SWAP70: variants seen among roughly 807,000 people sequenced by gnomAD.
SWAP70 encodes the protein switching B cell complex subunit SWAP70.
A neutral mutation model predicts 80.2 loss-of-function variants in SWAP70; 34 were observed. That is an observed-to-expected ratio of 0.42 (90% CI 0.32 to 0.56). The LOEUF is 0.56. SWAP70 is among the 20% of genes least tolerant of loss of function. The pLI, the probability that SWAP70 is intolerant of heterozygous loss-of-function variation, is 0.09. For missense variants in SWAP70, 578 were observed against 690.7 expected (o/e 0.84, Z 1.83); for synonymous variants, 239 against 238.5 (o/e 1.00, Z -0.02).
intron 2 of SWAP70, among the ~76,000 whole-genome samples, chr11:9,711,171 A>C (rs1252829433): frequency 2.6e-5 from 4 of 152,122 alleles, no homozygotes; most frequent in Non-Finnish European, 4.4e-5. Context: ...GTTCTCTTGC[A>C]TCAGCCTCCC....
intron 2 of SWAP70, among the ~76,000 whole-genome samples, chr11:9,708,101 A>G (rs576741193): frequency 1.8e-4 from 27 of 152,158 alleles, no homozygotes; most frequent in Non-Finnish European, 3.4e-4. Flanking sequence ...TGTAGTGGGT[A>G]TAGGTGTGCA....
chr11:9,685,901 C>T (rs1208555336), intron 1 of SWAP70, among the ~76,000 whole-genome samples: 1 of 152,062 alleles, frequency 6.6e-6, no homozygotes, highest in African/African-American at 2.4e-5. Flanking sequence ...TCCCAAAGTG[C>T]TGGGATTACA....
intron 4 of SWAP70, among the ~76,000 whole-genome samples, chr11:9,725,247 G>A (rs1433720847): frequency 6.6e-6 from 1 of 151,536 alleles, no homozygotes; most frequent in Non-Finnish European, 1.5e-5. Flanking sequence ...CAAAGTGCTG[G>A]GATTACAGGT....
At chr11:9,738,365 T>G in intron 8 of SWAP70, 45 bp downstream of exon 8, 1 of 1,463,338 alleles carries the variant, frequency 6.8e-7, no homozygotes, top group Non-Finnish European at 9.3e-7. Context: ...TAGCTCAGCC[T>G]GGGTCGGTGG....
chr11:9,684,944 C>G (rs1850612660), intron 1 of SWAP70, among the ~76,000 whole-genome samples: 2 of 152,182 alleles, frequency 1.3e-5, no homozygotes, highest in African/African-American at 4.8e-5. Flanking sequence ...TACAGACTCT[C>G]TCTTTAAGGA....
At chr11:9,683,159 G>C (rs1204140204) in intron 1 of SWAP70, among the ~76,000 whole-genome samples, 3 of 152,202 alleles carry the variant, frequency 2.0e-5, no homozygotes, top group Non-Finnish European at 4.4e-5. Flanking sequence ...CAGCACTTGT[G>C]AGGCTGAGGC....
intron 4 of SWAP70, among the ~76,000 whole-genome samples, chr11:9,725,390 T>C (rs894173834): frequency 6.7e-6 from 1 of 149,682 alleles, no homozygotes; most frequent in Non-Finnish European, 1.5e-5. Flanking sequence ...TTAAAATATA[T>C]ATATATATTT....
chr11:9,739,896 T>A (rs1254757352), intron 8 of SWAP70, among the ~76,000 whole-genome samples: 1 of 152,196 alleles, frequency 6.6e-6, no homozygotes, highest in African/African-American at 2.4e-5. Context: ...CAAGGAAACA[T>A]TTTTTTCTTG....
At chr11:9,688,812 C>A (rs1379818550) in intron 1 of SWAP70, among the ~76,000 whole-genome samples, 1 of 151,900 alleles carries the variant, frequency 6.6e-6, no homozygotes, top group African/African-American at 2.4e-5. Context: ...CAGTGACAAG[C>A]AGGATGAAAA....
chr11:9,732,134 T>G (rs1383747503), intron 6 of SWAP70, among the ~76,000 whole-genome samples: 1 of 152,218 alleles, frequency 6.6e-6, no homozygotes, highest in Non-Finnish European at 1.5e-5. Flanking sequence ...TGTCTTAATC[T>G]TGTTTGGCTT....
Position 9,740,266 on chromosome 11 carries a change from T to C in SWAP70, c.1274T>C (p.Met425Thr), listed in dbSNP as rs1329031140. The C allele has an allele frequency of 1.7e-5, 28 of 1,614,076 alleles. No individual in the cohort carries two copies. Among genetic ancestry groups the C allele is most frequent in the Non-Finnish European group, 2.3e-5 (27 of 1,180,018 alleles). ...CAGCGAGTACGGGAGCTGGAAGACA[T>C]GTACCTAAAGCTGCAGGAGGCTCTT... ...YLQRVRELED[M>T]YLKLQEALED... The change falls in exon 9 of 12, where the codon ATG (methionine) becomes ACG (threonine). Residue 425 changes from methionine (M) to threonine (T), a missense_variant. Transcript: ENST00000318950.
At chr11:9,684,568 A>G (rs955979226) in intron 1 of SWAP70, among the ~76,000 whole-genome samples, 3 of 152,200 alleles carry the variant, frequency 2.0e-5, no homozygotes, top group East Asian at 1.9e-4. Context: ...AGAAGTCTGT[A>G]CTTGAATTTT....
At chr11:9,684,173 C>G (rs1169826096) in intron 1 of SWAP70, among the ~76,000 whole-genome samples, 1 of 152,072 alleles carries the variant, frequency 6.6e-6, no homozygotes, top group Non-Finnish European at 1.5e-5. Flanking sequence ...CCTTGAACTC[C>G]TAGGCTCAAG....
intron 4 of SWAP70, among the ~76,000 whole-genome samples, chr11:9,725,561 A>ATTTTTTTTT (rs1851207892): frequency 6.2e-5 from 1 of 16,122 alleles, no homozygotes; most frequent in African/African-American, 2.9e-4. Context: ...ATATATATAT[A>ATTTTTTTTT]TATATATATT....
At chr11:9,728,322 A>C in intron 5 of SWAP70, 123 bp downstream of exon 5, 1 of 1,117,060 alleles carries the variant, frequency 9.0e-7, no homozygotes, top group Non-Finnish European at 1.2e-6. Context: ...TACATTTCCA[A>C]AATAATATAG....
chr11:9,709,588 G>A (rs898976537), intron 2 of SWAP70, among the ~76,000 whole-genome samples: 5 of 151,994 alleles, frequency 3.3e-5, no homozygotes, highest in Non-Finnish European at 7.4e-5. Flanking sequence ...GTAGTAGTGC[G>A]ATCTCCCACC....
chr11:9,735,894 G>A (rs1370106293), intron 7 of SWAP70, among the ~76,000 whole-genome samples: 1 of 152,004 alleles, frequency 6.6e-6, no homozygotes, highest in African/African-American at 2.4e-5. Context: ...TATTGAACTT[G>A]AATATGTAGA....
At chr11:9,684,279 G>A (rs1173535944) in intron 1 of SWAP70, among the ~76,000 whole-genome samples, 3 of 152,012 alleles carry the variant, frequency 2.0e-5, no homozygotes, top group Admixed American at 2.0e-4. Context: ...ACAGGGTCTT[G>A]TTATGTTGCC....
chr11:9,749,735 G>T (rs1590052782), intron 11 of SWAP70, 129 bp from the exon 12 acceptor site: 6 of 609,326 alleles, frequency 9.8e-6, no homozygotes, highest in African/African-American at 1.8e-5. Context: ...GTTTTAGCTG[G>T]TATGACATTT....
Sources: gnomAD v4.1 joint callset for allele counts (sites outside exome capture counted in the v4.1 genomes callset) on GRCh38, gnomAD v4.1.1 for gene constraint, MANE v1.5 for transcripts, NCBI Gene and HGNC (gene_info 2026-07-23, HGNC 2026-07-21) for gene names.